Variants in SPATA13 observed in about 807,000 individuals in gnomAD.
The protein encoded by SPATA13 is spermatogenesis associated 13.
SPATA13 carries 50 observed loss-of-function variants against 104.0 expected under a neutral mutation model. That is an observed-to-expected ratio of 0.48 (90% CI 0.38 to 0.61). The LOEUF is 0.61. Among genes scored for constraint, SPATA13 ranks in the 20% least tolerant of loss-of-function variants. SPATA13 has a pLI of 0.00. For synonymous variants in SPATA13, 606 were observed against 667.5 expected, an observed-to-expected ratio of 0.91 and a Z score of 1.42; for missense variants, 1,524 against 1,690.6, an observed-to-expected ratio of 0.90 and a Z score of 1.73.
At chr13:24,259,773 G>A (rs748913803) in intron 4 of SPATA13, among the ~76,000 whole-genome samples, 3 of 152,022 alleles carry the variant, frequency 2.0e-5, no homozygotes, top group Admixed American at 2.0e-4. Context: ...AGGGTGCTCC[G>A]AAACCTTTCT....
chr13:24,173,064 A>G (rs141623809), intron 1 of SPATA13, among the ~76,000 whole-genome samples: 269 of 152,230 alleles, frequency 1.8e-3, no homozygotes, highest in African/African-American at 5.4e-3. Context: ...TTGAGTCATT[A>G]CAAAGTGGTA....
chr13:24,222,058 G>T (rs1375346648), intron 1 of SPATA13, among the ~76,000 whole-genome samples: 3 of 152,068 alleles, frequency 2.0e-5, no homozygotes, highest in Non-Finnish European at 4.4e-5. Context: ...GGTGATCCAC[G>T]TGCCTCGGAC....
At chr13:24,039,423 A>C (rs1336645704) in intron 3 of SPATA13, among the ~76,000 whole-genome samples, 1 of 152,250 alleles carries the variant, frequency 6.6e-6, no homozygotes, top group African/African-American at 2.4e-5. Flanking sequence ...TAGTGGAAGC[A>C]GATTCGCAGC....
At chr13:24,278,206 C>T (rs540679654) in intron 4 of SPATA13, among the ~76,000 whole-genome samples, 2 of 152,162 alleles carry the variant, frequency 1.3e-5, no homozygotes, top group Non-Finnish European at 2.9e-5. Flanking sequence ...CAAGTAACAG[C>T]TACTGCTGGA....
intron 4 of SPATA13, among the ~76,000 whole-genome samples, chr13:24,261,103 C>T (rs1010920397): frequency 1.3e-5 from 2 of 152,188 alleles, no homozygotes; most frequent in Middle Eastern, 3.2e-3. Context: ...CTGGGAGCCA[C>T]TGAGGGCTTT....
At chr13:24,134,666 A>T (rs540073243) in intron 3 of SPATA13, among the ~76,000 whole-genome samples, 1 of 152,098 alleles carries the variant, frequency 6.6e-6, no homozygotes, top group Non-Finnish European at 1.5e-5. Flanking sequence ...AGAACCACTG[A>T]CTTGTAAGAG....
chr13:24,284,358 T>C, intron 5 of SPATA13, 87 bp downstream of exon 5: 1 of 1,413,380 alleles, frequency 7.1e-7, no homozygotes, highest in Non-Finnish European at 9.6e-7. Flanking sequence ...CCCTAGTTCT[T>C]CTTTACTAAG....
chr13:24,243,082 G>A (rs919639751), intron 2 of SPATA13, among the ~76,000 whole-genome samples: 5 of 152,118 alleles, frequency 3.3e-5, no homozygotes, highest in African/African-American at 1.2e-4. Flanking sequence ...TATCTAACCC[G>A]GGAGTTTTAG....
intron 3 of SPATA13, among the ~76,000 whole-genome samples, chr13:24,146,645 T>TA (rs1034364417): frequency 8.2e-6 from 1 of 122,528 alleles, no homozygotes; most frequent in Non-Finnish European, 1.8e-5. Flanking sequence ...CACAGCAATT[T>TA]AAAAAAAATG....
rs546547872 is a variant in SPATA13 at position 24,151,315 on chromosome 13, G to A, written c.-111-71504G>A. Among the ~76,000 whole-genome samples, 5 of 152,304 alleles carry A rather than the reference G, an allele frequency of 3.3e-5. No homozygotes were observed. The South Asian group carries it at 8.3e-4, about 25-fold the overall frequency. ...GCTCTGTCAAACACATGGGGCTGAG[G>A]ACCCGGAACCATTTGTTTAACTCCT... is the stretch of plus-strand genomic sequence containing the variant. On this transcript the variant is annotated intron_variant, in intron 3 of 14. Coordinates refer to the SPATA13 transcript ENST00000424834.
At chr13:24,197,326 TTAAC>T (rs1167661227) in intron 1 of SPATA13, among the ~76,000 whole-genome samples, 91 of 152,342 alleles carry the variant, frequency 6.0e-4, no homozygotes, top group African/African-American at 2.1e-3. Flanking sequence ...GCAATAGTGA[TTAAC>T]TACAGAATAA....
Position 24,268,484 on chromosome 13 carries a change from C to T in SPATA13, c.2165-15651C>T, listed in dbSNP as rs141311612. On this transcript the variant is annotated intron_variant, in intron 4 of 12. Transcript: ENST00000382108. ...TTTTAAATTCCTGTAAGAGGCTGGG[C>T]GCAGTGGCTCATGCCTGTAGTCCCA... 3.9e-5 allele frequency among the ~76,000 whole-genome samples: 6 copies of T among 152,272 alleles called. No homozygotes were observed. In the East Asian group the frequency reaches 5.8e-4, roughly 15 times the overall value.
chr13:24,059,212 C>CCA (rs1878691440), intron 3 of SPATA13, among the ~76,000 whole-genome samples: 1 of 151,594 alleles, frequency 6.6e-6, no homozygotes. Context: ...ACCTCGTAAT[C>CCA]CACCCCCCTC....
intron 10 of SPATA13, among the ~76,000 whole-genome samples, chr13:24,295,983 C>T (rs1298414389): frequency 6.6e-6 from 1 of 152,140 alleles, no homozygotes; most frequent in Non-Finnish European, 1.5e-5. Context: ...TGCTCTACCG[C>T]CATTAAATTA....
At chr13:24,105,953 A>G (rs892882362) in intron 3 of SPATA13, among the ~76,000 whole-genome samples, 1 of 152,292 alleles carries the variant, frequency 6.6e-6, no homozygotes, top group Non-Finnish European at 1.5e-5. Context: ...TGACACCTTA[A>G]TCTTGAACTT....
intron 3 of SPATA13, among the ~76,000 whole-genome samples, chr13:24,087,356 C>T (rs1290950182): frequency 6.6e-6 from 1 of 152,022 alleles, no homozygotes; most frequent in East Asian, 1.9e-4. Context: ...AGCCCCTTGC[C>T]CTCCCTCCCC....
chr13:24,143,188 T>C (rs1385229551), intron 3 of SPATA13, among the ~76,000 whole-genome samples: 1 of 152,126 alleles, frequency 6.6e-6, no homozygotes, highest in Non-Finnish European at 1.5e-5. Context: ...TTTGGCCTGG[T>C]CCAAACCAGA....
At chr13:24,174,011 C>T (rs1345803956) in intron 1 of SPATA13, among the ~76,000 whole-genome samples, 2 of 152,126 alleles carry the variant, frequency 1.3e-5, no homozygotes, top group Non-Finnish European at 2.9e-5. Context: ...TCTTTCATTT[C>T]CCGGAAGAGG....
intron 1 of SPATA13, among the ~76,000 whole-genome samples, chr13:24,200,979 GC>G (rs1870365326): frequency 6.9e-6 from 1 of 145,956 alleles, no homozygotes; most frequent in Non-Finnish European, 1.5e-5. Flanking sequence ...GAATGTTGCA[GC>G]TATTCTAAGG....
Sources: gnomAD v4.1 joint callset for allele counts (sites outside exome capture counted in the v4.1 genomes callset) on GRCh38, gnomAD v4.1.1 for gene constraint, MANE v1.5 for transcripts, NCBI Gene and HGNC (gene_info 2026-07-23, HGNC 2026-07-21) for gene names.